Variants in ESR1 observed in about 807,000 individuals in gnomAD.
ESR1 encodes estrogen receptor 1.
A neutral mutation model predicts 52.7 loss-of-function variants in ESR1; 12 were observed. That is an observed-to-expected ratio of 0.23 (90% confidence interval 0.15 to 0.37). ESR1 has a LOEUF of 0.37. ESR1 is among the 10% of genes least tolerant of loss of function. ESR1 has a pLI of 1.00. For missense variants in ESR1, 584 were observed against 779.7 expected (o/e 0.75, Z 2.99); for synonymous variants, 305 against 316.8 (o/e 0.96, Z 0.39).
At chr6:151,688,371 G>A (rs566142970), upstream of ESR1, among the ~76,000 whole-genome samples, 5 of 152,282 alleles carry the variant, frequency 3.3e-5, no homozygotes, top group African/African-American at 1.2e-4. Flanking sequence ...AAGCATGGAG[G>A]CTTGAGTTGG....
At chr6:151,933,456 T>A (rs1006571256) in intron 3 of ESR1, among the ~76,000 whole-genome samples, 9 of 150,510 alleles carry the variant, frequency 6.0e-5, no homozygotes, top group Non-Finnish European at 1.3e-4. Flanking sequence ...TTCCTTCTCC[T>A]GCCTAATTGC....
At chr6:152,035,847 A>G (rs992382361) in intron 5 of ESR1, among the ~76,000 whole-genome samples, 3 of 152,178 alleles carry the variant, frequency 2.0e-5, no homozygotes, top group African/African-American at 4.8e-5. Flanking sequence ...TCCTGACACA[A>G]TTGATATCTA....
chr6:151,731,186 G>A (rs1404898988), intron 2 of ESR1, among the ~76,000 whole-genome samples: 3 of 151,982 alleles, frequency 2.0e-5, no homozygotes, highest in Admixed American at 6.6e-5. Flanking sequence ...TGAAACCCCC[G>A]TGTCTACTAA....
intron 3 of ESR1, among the ~76,000 whole-genome samples, chr6:151,888,379 C>T (rs2128356639): frequency 6.6e-6 from 1 of 152,150 alleles, no homozygotes; most frequent in South Asian, 2.1e-4. Flanking sequence ...AATTCTTTCA[C>T]TTCCTTGGTT....
At chr6:151,657,810 GT>G (rs1309048520) in intron 1 of ESR1, among the ~76,000 whole-genome samples, 1 of 151,748 alleles carries the variant, frequency 6.6e-6, no homozygotes, top group African/African-American at 2.4e-5. Flanking sequence ...GAAATTTTGG[GT>G]TTTTTTGGAT....
At chr6:151,990,652 A>T (rs1026516415) in intron 4 of ESR1, among the ~76,000 whole-genome samples, 5 of 152,202 alleles carry the variant, frequency 3.3e-5, no homozygotes, top group Non-Finnish European at 7.3e-5. Context: ...CAGCCTCTGG[A>T]TAAGAAGCCT....
intron 1 of ESR1, among the ~76,000 whole-genome samples, chr6:151,842,122 G>A (rs1784383890): frequency 1.3e-5 from 2 of 152,100 alleles, no homozygotes. Context: ...TGGCAATGAC[G>A]TAAAAATTTG....
chr6:151,740,083 G>A (rs1287250058), intron 2 of ESR1, among the ~76,000 whole-genome samples: 3 of 151,694 alleles, frequency 2.0e-5, no homozygotes, highest in Non-Finnish European at 4.4e-5. Context: ...TAGTCTCTGG[G>A]GATCTTTCCA....
intron 6 of ESR1, among the ~76,000 whole-genome samples, chr6:152,062,151 T>C (rs2047596011): frequency 6.6e-6 from 1 of 152,188 alleles, no homozygotes; most frequent in Admixed American, 6.5e-5. Flanking sequence ...TTCCTTCTCT[T>C]TCCACGTGTT....
chr6:151,692,301 T>C (rs1779008353), intron 1 of ESR1, among the ~76,000 whole-genome samples: 1 of 152,228 alleles, frequency 6.6e-6, no homozygotes, highest in Non-Finnish European at 1.5e-5. Flanking sequence ...AGGCATCTGC[T>C]AAACATTTTC....
chr6:151,674,794 A>C (rs1778196517), intron 1 of ESR1, among the ~76,000 whole-genome samples: 1 of 152,230 alleles, frequency 6.6e-6, no homozygotes, highest in Non-Finnish European at 1.5e-5. Flanking sequence ...ACTGAACCTA[A>C]GTTGCAGTTC....
At chr6:152,013,561 C>T (rs2042944822) in intron 5 of ESR1, among the ~76,000 whole-genome samples, 1 of 152,086 alleles carries the variant, frequency 6.6e-6, no homozygotes, top group Non-Finnish European at 1.5e-5. Context: ...TTCTTGAGTA[C>T]ACACTTGCTT....
At chr6:151,783,520 T>G (rs1192651005) in intron 2 of ESR1, among the ~76,000 whole-genome samples, 1 of 152,222 alleles carries the variant, frequency 6.6e-6, no homozygotes, top group East Asian at 1.9e-4. Context: ...ATGTGCCTAT[T>G]TAGAAAATAA....
At chr6:151,719,116 G>C (rs1380483673) in intron 2 of ESR1, among the ~76,000 whole-genome samples, 1 of 152,192 alleles carries the variant, frequency 6.6e-6, no homozygotes, top group Non-Finnish European at 1.5e-5. Flanking sequence ...TGTCAAAGTA[G>C]TGTTCTGGAT....
At chr6:151,723,597 A>T (rs1322798949) in intron 2 of ESR1, among the ~76,000 whole-genome samples, 1 of 152,166 alleles carries the variant, frequency 6.6e-6, no homozygotes, top group Non-Finnish European at 1.5e-5. Flanking sequence ...GGCCGGATAC[A>T]GTGGCTCACA....
chr6:151,791,221 T>C (rs1776118008), intron 2 of ESR1, among the ~76,000 whole-genome samples: 1 of 152,156 alleles, frequency 6.6e-6, no homozygotes, highest in Admixed American at 6.5e-5. Flanking sequence ...TCATCTTGAA[T>C]TGTAGCTCCC....
rs142279843 is a variant in ESR1 at position 151,760,932 on chromosome 6, T to C, written c.-70-46911T>C. Among the ~76,000 whole-genome samples, 344 of 152,360 alleles carry C rather than the reference T, an allele frequency of 2.3e-3. 1 individual carries two copies. The highest frequency in any genetic ancestry group is 7.9e-3 in the African/African-American group (327 of 41,590). ...CTATGATTGAGACCTTTTTGGAATA[T>C]TGGAAAATATTTTTGTGTGCTTATT... is the stretch of plus-strand genomic sequence containing the variant. On this transcript the variant is annotated intron_variant, in intron 2 of 2. Coordinates refer to the ESR1 transcript ENST00000404742.
chr6:151,895,491 T>C (rs962121387), intron 3 of ESR1, among the ~76,000 whole-genome samples: 1 of 152,214 alleles, frequency 6.6e-6, no homozygotes, highest in Non-Finnish European at 1.5e-5. Flanking sequence ...GCTTTCAACT[T>C]TTCCCCATTC....
chr6:152,037,270 CAAAT>C (rs1015716833), intron 5 of ESR1, among the ~76,000 whole-genome samples: 49 of 151,998 alleles, frequency 3.2e-4, no homozygotes, highest in African/African-American at 1.1e-3. Flanking sequence ...GAGAGAAAAA[CAAAT>C]AACAAAACAA....
Sources: allele counts gnomAD v4.1 joint callset (sites outside exome capture counted in the v4.1 genomes callset), GRCh38; gene constraint gnomAD v4.1.1; transcripts MANE v1.5; gene names NCBI Gene and HGNC (gene_info 2026-07-23, HGNC 2026-07-21).